Variants in RALYL observed in about 807,000 individuals in gnomAD.
RALYL encodes RALY RNA binding protein like, also known as RNA-binding Raly-like protein.
Under a neutral mutation model 35.1 loss-of-function variants are expected in RALYL, and 29 were observed. The ratio of observed to expected loss-of-function variants is 0.83; its 90% CI spans 0.61 to 1.13. The LOEUF is 1.13. Among genes scored for constraint, RALYL ranks in the 50% most tolerant of loss-of-function variants. RALYL has a pLI of 0.00. For synonymous variants in RALYL, 120 were observed against 127.6 expected, an observed-to-expected ratio of 0.94 and a Z score of 0.40; for missense variants, 359 against 360.4, an observed-to-expected ratio of 1.00 and a Z score of 0.03.
intron 1 of RALYL, among the ~76,000 whole-genome samples, chr8:84,525,996 C>G: frequency 8.2e-6 from 1 of 121,542 alleles, no homozygotes; most frequent in African/African-American, 3.2e-5. Flanking sequence ...CTCACTTTGT[C>G]ACTAGAATGC....
chr8:84,473,445 C>A (rs1462700387), intron 1 of RALYL, among the ~76,000 whole-genome samples: 1 of 151,582 alleles, frequency 6.6e-6, no homozygotes, highest in African/African-American at 2.4e-5. Context: ...AAAGTGAATT[C>A]ATGTAATTAG....
chr8:84,523,607 T>C (rs1354884097), intron 1 of RALYL, among the ~76,000 whole-genome samples: 16 of 151,756 alleles, frequency 1.1e-4, no homozygotes, highest in Admixed American at 2.0e-4. Flanking sequence ...GCTGGTGTGC[T>C]GCACCCACTA....
At chr8:84,344,048 T>C (rs1849362267) in intron 1 of RALYL, among the ~76,000 whole-genome samples, 2 of 152,080 alleles carry the variant, frequency 1.3e-5, no homozygotes, top group Admixed American at 1.3e-4. Flanking sequence ...CTAGTATTTA[T>C]GGTTTATAAT....
At position 84,539,923 on chromosome 8, in the gene RALYL, T is replaced by TAC. The variant is rs374222246; in HGVS notation, c.256+10360_256+10361dup. On this transcript the variant is annotated intron_variant, in intron 2 of 8. Transcript: ENST00000521268. Reference sequence around the variant, plus strand: ...GTGTGTGTGTGTACATGCACAGACATACACACACACACACATGCACATTTT... The same window carrying TAC: ...GTGTGTGTGTGTACATGCACAGACATACACACACACACACACATGCACATTTT... Among the ~76,000 whole-genome samples, 29 of 142,316 alleles carry TAC rather than the reference T, an allele frequency of 2.0e-4. 1 individual carries two copies. In the South Asian group the frequency reaches 3.9e-3, roughly 19 times the overall value. The allele number at this position is 142,316 out of a possible 152,430, so 93.4% of individuals were successfully genotyped here.
At chr8:84,434,886 T>A (rs1316462274) in intron 1 of RALYL, among the ~76,000 whole-genome samples, 1 of 152,164 alleles carries the variant, frequency 6.6e-6, no homozygotes, top group Non-Finnish European at 1.5e-5. Flanking sequence ...TTGATCAAAC[T>A]GCTAATATTG....
At chr8:84,307,032 G>A (rs1165983748) in intron 1 of RALYL, among the ~76,000 whole-genome samples, 2 of 152,202 alleles carry the variant, frequency 1.3e-5, no homozygotes, top group South Asian at 4.1e-4. Flanking sequence ...TGTGAACAAG[G>A]CAGGCTTATA....
At chr8:84,471,458 G>A (rs1043529088) in intron 1 of RALYL, among the ~76,000 whole-genome samples, 6 of 151,824 alleles carry the variant, frequency 4.0e-5, no homozygotes, top group African/African-American at 1.5e-4. Context: ...GCTGAGTGTG[G>A]TGTTGTACAC....
At chr8:84,205,652 A>C (rs1057483886) in intron 1 of RALYL, among the ~76,000 whole-genome samples, 2 of 152,218 alleles carry the variant, frequency 1.3e-5, no homozygotes, top group Non-Finnish European at 2.9e-5. Flanking sequence ...AATAAAGAGC[A>C]CAAGTGGGAA....
rs73299220 is a variant in RALYL at position 84,791,032 on chromosome 8, T to A, written c.333-13738T>A. 5.4e-3 allele frequency among the ~76,000 whole-genome samples: 819 copies of A among 152,282 alleles called. 7 individuals are homozygous for A. Among genetic ancestry groups the A allele is most frequent in the African/African-American group, 0.019 (780 of 41,544 alleles). ...ATTTATGACAAAGTAGACAAAAATCTCTGTCCTTGCCTTCAAGTTTGAGGT... is the reference window on the plus strand; with the variant it reads ...ATTTATGACAAAGTAGACAAAAATCACTGTCCTTGCCTTCAAGTTTGAGGT... On this transcript the variant is annotated intron_variant, in intron 3 of 8. Transcript: ENST00000521268.
intron 4 of RALYL, among the ~76,000 whole-genome samples, chr8:84,836,146 G>A (rs565729115): frequency 6.6e-6 from 1 of 152,228 alleles, no homozygotes; most frequent in African/African-American, 2.4e-5. Flanking sequence ...GAAACCCTGT[G>A]TTACTAGCCA....
At chr8:84,469,719 C>A (rs539023570) in intron 1 of RALYL, among the ~76,000 whole-genome samples, 2 of 152,368 alleles carry the variant, frequency 1.3e-5, no homozygotes, top group South Asian at 4.1e-4. Flanking sequence ...TGGGCAATGG[C>A]AGGCGCCCCT....
At chr8:84,522,443 G>A (rs2058534330) in intron 1 of RALYL, among the ~76,000 whole-genome samples, 1 of 151,724 alleles carries the variant, frequency 6.6e-6, no homozygotes, top group South Asian at 2.1e-4. Flanking sequence ...TAGAGACGGG[G>A]TTTCACCGTT....
At chr8:84,333,895 T>C (rs1049649814) in intron 1 of RALYL, among the ~76,000 whole-genome samples, 3 of 152,066 alleles carry the variant, frequency 2.0e-5, no homozygotes, top group Non-Finnish European at 4.4e-5. Flanking sequence ...CTTGTTTTTT[T>C]CCCCCCTTGG....
intron 1 of RALYL, among the ~76,000 whole-genome samples, chr8:84,385,791 A>G (rs1563829624): frequency 6.6e-6 from 1 of 151,824 alleles, no homozygotes; most frequent in Non-Finnish European, 1.5e-5. Context: ...CACAGACCAC[A>G]CTTAGTAAAC....
intron 1 of RALYL, among the ~76,000 whole-genome samples, chr8:84,520,600 G>T (rs1008273638): frequency 6.6e-6 from 1 of 152,104 alleles, no homozygotes; most frequent in Non-Finnish European, 1.5e-5. Context: ...TTAAGAACAG[G>T]GCTGCACAGC....
chr8:84,490,771 C>G (rs2055200742), intron 1 of RALYL, among the ~76,000 whole-genome samples: 1 of 151,086 alleles, frequency 6.6e-6, no homozygotes, highest in Non-Finnish European at 1.5e-5. Context: ...CAGAGAGGGA[C>G]AATTTTAAGT....
Position 84,574,790 on chromosome 8 carries a change from A to G in RALYL, c.256+45213A>G, listed in dbSNP as rs188664999. ...CTCTGTCATGGCTGAAAGTAGAATT[A>G]AGTAATGTTTTATTTGGCATATTTC... On this transcript the variant is annotated intron_variant, in intron 2 of 8. Coordinates refer to ENST00000521268, the MANE Select transcript of RALYL (RefSeq NM_173848.7). Among the ~76,000 whole-genome samples, 349 of 152,284 alleles carry G rather than the reference A, an allele frequency of 2.3e-3. 2 individuals are homozygous for G. The highest frequency in any genetic ancestry group is 3.7e-3 in the Non-Finnish European group (254 of 67,988).
In RALYL at chr8:84,584,023, A is replaced by G. The variant is rs529252500; in HGVS notation, c.256+54446A>G. ...TTTATGGGGTACATGAAATGTTTTG[A>G]TACAGGCATGCAGTGCATAATAATC... is the stretch of plus-strand genomic sequence containing the variant. On this transcript the variant is annotated intron_variant, in intron 2 of 8. Coordinates refer to ENST00000521268, the MANE Select transcript of RALYL (RefSeq NM_173848.7). Among the ~76,000 whole-genome samples, 10 of 152,272 alleles carry G rather than the reference A, an allele frequency of 6.6e-5. No homozygotes were observed. In the South Asian group the frequency reaches 2.1e-3, roughly 32 times the overall value.
At chr8:84,797,667 C>T (rs1413824168) in intron 3 of RALYL, among the ~76,000 whole-genome samples, 3 of 152,128 alleles carry the variant, frequency 2.0e-5, no homozygotes, top group African/African-American at 7.2e-5. Flanking sequence ...GTCCTGTATT[C>T]CCTATTAAGA....
Sources: gnomAD v4.1 joint callset for allele counts (sites outside exome capture counted in the v4.1 genomes callset) on GRCh38, gnomAD v4.1.1 for gene constraint, MANE v1.5 for transcripts, NCBI Gene and HGNC (gene_info 2026-07-23, HGNC 2026-07-21) for gene names.